The following SCRN3 variants were observed in gnomAD, a reference collection of about 807,000 sequenced individuals.
The protein encoded by SCRN3 is secernin-3.
A neutral mutation model predicts 43.1 loss-of-function variants in SCRN3; 39 were observed. That is an observed-to-expected ratio of 0.91 (90% CI 0.70 to 1.18). The LOEUF is 1.18. SCRN3 is among the 50% of genes most tolerant of loss of function. SCRN3 has a pLI of 0.00. For missense variants in SCRN3, 484 were observed against 498.0 expected (o/e 0.97, Z 0.27); for synonymous variants, 147 against 163.1 (o/e 0.90, Z 0.75).
chr2:174,421,954 T>A (rs897218199), intron 5 of SCRN3, among the ~76,000 whole-genome samples: 8 of 152,070 alleles, frequency 5.3e-5, no homozygotes, highest in Non-Finnish European at 1.2e-4. Flanking sequence ...AAGATTTTTT[T>A]AAGTGTATAA....
intron 5 of SCRN3, 67 bp downstream of exon 5, chr2:174,404,382 G>C (rs529672468): frequency 2.9e-6 from 3 of 1,023,352 alleles, no homozygotes; most frequent in Non-Finnish European, 2.9e-6. Flanking sequence ...ATATGGGAAT[G>C]ATAACATCTG....
rs17255817 is a variant in SCRN3 at position 174,424,586 on chromosome 2, T to C, written c.1029T>C (p.Pro343=). The stretch of plus-strand genomic sequence containing the variant: ...TTAAAAAGAAATCACATTTTAAGCC[T>C]GACAGAAGACACCCACTCTACCAAA... ...DLVKKKSHFK[P]DRRHPLYQKH... Residue 343 remains proline (P), a synonymous_variant, in exon 7 of 8, where the codon CCT becomes CCC. Coordinates refer to ENST00000272732, the MANE Select transcript of SCRN3 (RefSeq NM_024583.5). 0.079 allele frequency: 127,043 copies of C among 1,612,786 alleles called. 5,609 individuals are homozygous for C. The highest frequency in any genetic ancestry group is 0.16 in the Middle Eastern group (984 of 6,026).
intron 7 of SCRN3, among the ~76,000 whole-genome samples, chr2:174,427,505 A>G (rs1387034315): frequency 1.3e-5 from 2 of 152,148 alleles, no homozygotes; most frequent in Non-Finnish European, 2.9e-5. Flanking sequence ...TACTAAAAAT[A>G]ATTTGGTATT....
At chr2:174,400,472 T>G (rs558446343) in intron 3 of SCRN3, among the ~76,000 whole-genome samples, 1 of 151,916 alleles carries the variant, frequency 6.6e-6, no homozygotes, top group East Asian at 2.0e-4. Context: ...TAAAAAAAAT[T>G]TTTTTTTCAG....
intron 4 of SCRN3, among the ~76,000 whole-genome samples, chr2:174,403,784 G>A (rs1396873183): frequency 6.6e-6 from 1 of 152,100 alleles, no homozygotes; most frequent in Non-Finnish European, 1.5e-5. Flanking sequence ...CTTGACTATA[G>A]CAATACCAAT....
intron 6 of SCRN3, among the ~76,000 whole-genome samples, chr2:174,423,680 AGGAT>A (rs1321959783): frequency 1.3e-5 from 2 of 151,750 alleles, no homozygotes; most frequent in African/African-American, 4.8e-5. Flanking sequence ...TGTGTTAGCC[AGGAT>A]GGTCTTGATC....
Position 174,396,006 on chromosome 2 carries a change from C to T in SCRN3, c.-10+189C>T, listed in dbSNP as rs1685292839. 4.4e-6 allele frequency: 6 copies of T among 1,355,370 alleles called. No individual in the cohort carries two copies. The South Asian group carries it at 9.9e-5, about 22-fold the overall frequency. The allele number at this position is 1,355,370 out of a possible 1,614,324, so 84.0% of individuals were successfully genotyped here. ...CGACCAAAGGTGCTTGAAGCTCGAG[C>T]CCATTACTTTCTGTGGACTCTGACT... is the stretch of plus-strand genomic sequence containing the variant. On this transcript the variant is annotated intron_variant, in intron 1 of 7. Coordinates refer to ENST00000272732, the MANE Select transcript of SCRN3 (RefSeq NM_024583.5).
intron 1 of SCRN3, chr2:174,397,077 A>G (rs1685347508): frequency 1.0e-6 from 1 of 983,316 alleles, no homozygotes; most frequent in Non-Finnish European, 1.2e-6. Context: ...CCAGGACATA[A>G]GAGTTGAAAT....
At chr2:174,418,087 G>T (rs1574666054) in intron 5 of SCRN3, among the ~76,000 whole-genome samples, 1 of 151,766 alleles carries the variant, frequency 6.6e-6, no homozygotes, top group East Asian at 1.9e-4. Flanking sequence ...ACAAAAGAAA[G>T]AAAGAAAAAA....
intron 6 of SCRN3, among the ~76,000 whole-genome samples, chr2:174,423,617 G>C (rs1245962343): frequency 2.6e-5 from 4 of 151,772 alleles, no homozygotes; most frequent in African/African-American, 7.3e-5. Context: ...TTACATGCGT[G>C]CGCCACCACA....
chr2:174,420,957 A>G (rs1253762763), intron 5 of SCRN3, among the ~76,000 whole-genome samples: 2 of 152,232 alleles, frequency 1.3e-5, no homozygotes, highest in African/African-American at 4.8e-5. Flanking sequence ...TCATCAAGCA[A>G]CAGCCTCAAG....
In SCRN3 at chr2:174,397,002, G is replaced by T. The variant is rs73975120; in HGVS notation, c.-10+1185G>T. On this transcript the variant is annotated intron_variant, in intron 1 of 7. Transcript: ENST00000272732. ...AGGCAGAAGGCATAGGTAAGAGAGA[G>T]ATTAAATAGTCTGCCAAAGTTATAT... is the stretch of plus-strand genomic sequence containing the variant. 2.3e-3 allele frequency: 1,951 copies of T among 842,364 alleles called. 37 individuals are homozygous for T. The African/African-American group carries it at 0.034, about 15-fold the overall frequency. The allele number at this position is 842,364 out of a possible 1,614,324, so 52.2% of individuals were successfully genotyped here. A position where few individuals can be genotyped will look rare whatever the true frequency, so the allele number is the denominator to read the frequency against.
chr2:174,413,643 T>G (rs930564576), intron 5 of SCRN3, among the ~76,000 whole-genome samples: 1 of 139,970 alleles, frequency 7.1e-6, no homozygotes, highest in East Asian at 2.2e-4. Flanking sequence ...CAAGCTGGAG[T>G]GCAGTGGTAC....
At chr2:174,411,891 A>G (rs1685930860) in intron 5 of SCRN3, among the ~76,000 whole-genome samples, 1 of 152,232 alleles carries the variant, frequency 6.6e-6, no homozygotes, top group Non-Finnish European at 1.5e-5. Flanking sequence ...ACTGCACTCC[A>G]GCCTGGGTGT....
chr2:174,414,005 C>A (rs982178550), intron 5 of SCRN3, among the ~76,000 whole-genome samples: 1 of 152,146 alleles, frequency 6.6e-6, no homozygotes, highest in Non-Finnish European at 1.5e-5. Context: ...GGGCTTCCCT[C>A]AAGCTAAAGC....
intron 3 of SCRN3, among the ~76,000 whole-genome samples, chr2:174,400,452 A>C (rs1685468238): frequency 6.6e-6 from 1 of 151,962 alleles, no homozygotes; most frequent in South Asian, 2.1e-4. Flanking sequence ...ACACCTGGCT[A>C]ATTTTTAATT....
chr2:174,430,005 C>T (rs1281188766), downstream of SCRN3, among the ~76,000 whole-genome samples: 1 of 152,186 alleles, frequency 6.6e-6, no homozygotes, highest in East Asian at 1.9e-4. Context: ...GAATATACTA[C>T]TACTGAAGGA....
chr2:174,398,898 A>T (rs1045264323), intron 2 of SCRN3, among the ~76,000 whole-genome samples: 5 of 152,210 alleles, frequency 3.3e-5, no homozygotes, highest in African/African-American at 1.2e-4. Flanking sequence ...GACAAAAAGG[A>T]TTCTGATTCT....
intron 5 of SCRN3, among the ~76,000 whole-genome samples, chr2:174,421,849 T>G (rs1317162855): frequency 6.6e-6 from 1 of 152,138 alleles, no homozygotes; most frequent in East Asian, 1.9e-4. Flanking sequence ...TAGGCAGTAA[T>G]TGGAGCTAAG....
Sources: gnomAD v4.1 joint callset for allele counts (sites outside exome capture counted in the v4.1 genomes callset) on GRCh38, gnomAD v4.1.1 for gene constraint, MANE v1.5 for transcripts, NCBI Gene and HGNC (gene_info 2026-07-23, HGNC 2026-07-21) for gene names.